Variants in FRS2 observed in about 807,000 individuals in gnomAD.
FRS2 encodes FGFR signalling adaptor.
Under a neutral mutation model 43.9 loss-of-function variants are expected in FRS2, and 8 were observed. The observed-to-expected ratio is 0.18, with a 90% CI of 0.11 to 0.33. The LOEUF (loss-of-function observed/expected upper bound fraction) is 0.33. Ranked by LOEUF, FRS2 falls within the 10% of genes least tolerant of loss-of-function variation. The probability of loss-of-function intolerance (pLI) is 1.00; values close to 1 mark genes in which losing one functional copy is unlikely to be tolerated. For missense variants in FRS2, 534 were observed against 627.6 expected (o/e 0.85, Z 1.59); for synonymous variants, 219 against 220.3 (o/e 0.99, Z 0.05).
intron 3 of FRS2, among the ~76,000 whole-genome samples, chr12:69,544,722 T>G (rs1418116591): frequency 6.6e-6 from 1 of 151,622 alleles, no homozygotes; most frequent in Admixed American, 6.6e-5. Flanking sequence ...AAATTAATAA[T>G]AAATAAATAA....
At chr12:69,483,247 G>C (rs1871501231) in intron 1 of FRS2, among the ~76,000 whole-genome samples, 4 of 152,076 alleles carry the variant, frequency 2.6e-5, no homozygotes, top group Admixed American at 2.0e-4. Context: ...ATAGTTCTGT[G>C]TAATTTTATC....
intron 1 of FRS2, among the ~76,000 whole-genome samples, chr12:69,484,293 C>G (rs1871630032): frequency 6.6e-6 from 1 of 152,032 alleles, no homozygotes; most frequent in Admixed American, 6.6e-5. Flanking sequence ...ACCATGTTAG[C>G]CAGGATGGTC....
chr12:69,504,701 T>C (rs543950178), intron 1 of FRS2, among the ~76,000 whole-genome samples: 39 of 152,380 alleles, frequency 2.6e-4, no homozygotes, highest in Middle Eastern at 3.4e-3. Flanking sequence ...ATGTGCATTA[T>C]GATAACTTTA....
chr12:69,559,680 T>G (rs1223839028), intron 3 of FRS2, among the ~76,000 whole-genome samples: 1 of 152,172 alleles, frequency 6.6e-6, no homozygotes, highest in African/African-American at 2.4e-5. Context: ...TTAGCTTTTT[T>G]TCTTAACTCT....
chr12:69,488,985 G>T (rs1872208801), intron 1 of FRS2, among the ~76,000 whole-genome samples: 1 of 152,158 alleles, frequency 6.6e-6, no homozygotes, highest in African/African-American at 2.4e-5. Context: ...CTTTACTTTT[G>T]TAAGTTTGAT....
At chr12:69,536,097 CATTCTTTTTTTTTTTTTTTTTT>C (rs1877249037) in intron 3 of FRS2, among the ~76,000 whole-genome samples, 1 of 44,370 alleles carries the variant, frequency 2.3e-5, no homozygotes, top group African/African-American at 7.3e-5. Context: ...GTAGTATTTT[CATTCTTTTTTTTTTTTTTTTTT>C]TTTTTTTTTT....
rs138417409 is a variant in FRS2 at position 69,474,685 on chromosome 12, A to C, written c.-261+4155A>C. The stretch of plus-strand genomic sequence containing the variant: ...AAACTACTTCAGACTCATTTCATCC[A>C]GAGTGTCAGATTTGGTTACTTAAAA... On this transcript the variant is annotated intron_variant, in intron 1 of 8. Coordinates refer to ENST00000549921, the MANE Select transcript of FRS2 (RefSeq NM_001278356.2). Among the ~76,000 whole-genome samples, 1,108 of 152,346 alleles carry C rather than the reference A, an allele frequency of 7.3e-3. 8 individuals carry two copies. The highest frequency in any genetic ancestry group is 0.025 in the African/African-American group (1,021 of 41,586).
At chr12:69,568,522 C>CCTGCCTGCCTGCCTGT (rs1880479128) in intron 4 of FRS2, among the ~76,000 whole-genome samples, 1 of 151,290 alleles carries the variant, frequency 6.6e-6, no homozygotes. Context: ...TGCCTGCCTG[C>CCTGCCTGCCTGCCTGT]CTGCCTGCCT....
chr12:69,522,088 T>C (rs933433956), intron 1 of FRS2, among the ~76,000 whole-genome samples: 7 of 152,200 alleles, frequency 4.6e-5, no homozygotes, highest in Non-Finnish European at 7.3e-5. Flanking sequence ...TGCTTGACTG[T>C]AGGGGATTCA....
intron 1 of FRS2, among the ~76,000 whole-genome samples, chr12:69,523,961 G>A (rs547271511): frequency 2.6e-5 from 4 of 152,338 alleles, no homozygotes; most frequent in Admixed American, 6.5e-5. Context: ...TCGTTTGCAC[G>A]TGCCAACAGC....
chr12:69,563,194 A>T (rs1880007786), intron 4 of FRS2, among the ~76,000 whole-genome samples: 1 of 152,146 alleles, frequency 6.6e-6, no homozygotes, highest in African/African-American at 2.4e-5. Flanking sequence ...TTCAAATATT[A>T]ATCTGGTGGT....
chr12:69,561,913 GTAT>G (rs370189422), intron 3 of FRS2, among the ~76,000 whole-genome samples: 11 of 152,220 alleles, frequency 7.2e-5, no homozygotes, highest in African/African-American at 2.6e-4. Context: ...AGTTGTGCAA[GTAT>G]TATCGCTGTA....
At chr12:69,555,448 G>A (rs1879253882) in intron 3 of FRS2, among the ~76,000 whole-genome samples, 1 of 152,112 alleles carries the variant, frequency 6.6e-6, no homozygotes, top group African/African-American at 2.4e-5. Flanking sequence ...TTAATCACAG[G>A]GATAGATGTG....
chr12:69,529,307 A>G (rs896944535), intron 1 of FRS2, among the ~76,000 whole-genome samples: 1 of 152,188 alleles, frequency 6.6e-6, no homozygotes, highest in Non-Finnish European at 1.5e-5. Context: ...GATGAACACT[A>G]CATGGGTAGT....
intron 1 of FRS2, among the ~76,000 whole-genome samples, chr12:69,512,501 A>G (rs1376120368): frequency 2.6e-5 from 4 of 152,336 alleles, no homozygotes; most frequent in African/African-American, 9.6e-5. Flanking sequence ...AATCAAATGC[A>G]GAAGAACTTT....
At chr12:69,526,402 C>G (rs1055031617) in intron 1 of FRS2, among the ~76,000 whole-genome samples, 1 of 152,054 alleles carries the variant, frequency 6.6e-6, no homozygotes, top group Non-Finnish European at 1.5e-5. Context: ...ATGTGATAGG[C>G]AGTAGTTCAA....
intron 3 of FRS2, among the ~76,000 whole-genome samples, chr12:69,532,414 A>G (rs1422794015): frequency 3.3e-5 from 5 of 152,090 alleles, no homozygotes; most frequent in Non-Finnish European, 1.5e-5. Context: ...GGAGGAGTAG[A>G]GGGTTCATAG....
intron 3 of FRS2, among the ~76,000 whole-genome samples, chr12:69,557,628 G>GCGCGCGCA (rs1555192581): frequency 3.4e-5 from 5 of 147,424 alleles, no homozygotes; most frequent in South Asian, 2.1e-4. Context: ...GTGCGCGCGC[G>GCGCGCGCA]CGCGCGCGCA....
rs775592236 is a variant in FRS2 at position 69,574,881 on chromosome 12, T to C, written c.1453T>C (p.Leu485=). The change falls in exon 9 of 9, where the codon TTG becomes CTG. Residue 485 remains leucine, a synonymous_variant. Coordinates refer to ENST00000549921, the MANE Select transcript of FRS2 (RefSeq NM_001278356.2). ...CGAGAGAACTGCTGCTATGTCAAAT[T>C]TGCAGAAAGCACTGCCACGAGATGA... is the stretch of plus-strand genomic sequence containing the variant. ...DIERTAAMSN[L]QKALPRDDGT... is the part of the protein sequence containing the mutation. 6 of 1,613,926 alleles carry C rather than the reference T, an allele frequency of 3.7e-6. No individual in the cohort carries two copies. The highest frequency in any genetic ancestry group is 5.1e-6 in the Non-Finnish European group (6 of 1,179,942).
Sources: gnomAD v4.1 joint callset for allele counts (sites outside exome capture counted in the v4.1 genomes callset) on GRCh38, gnomAD v4.1.1 for gene constraint, MANE v1.5 for transcripts, NCBI Gene and HGNC (gene_info 2026-07-23, HGNC 2026-07-21) for gene names.